The following CCDC141 variants were observed in gnomAD, a reference collection of about 807,000 sequenced individuals.
CCDC141 encodes the protein coiled-coil domain containing 141, also known as coiled-coil domain-containing protein 141.
A neutral mutation model predicts 181.0 loss-of-function variants in CCDC141; 168 were observed. The ratio of observed to expected loss-of-function variants is 0.93; its 90% CI spans 0.82 to 1.05. The LOEUF (loss-of-function observed/expected upper bound fraction) is 1.05. Among genes scored for constraint, CCDC141 ranks in the 50% least tolerant of loss-of-function variants. CCDC141 has a pLI of 0.00. For synonymous variants in CCDC141, 666 were observed against 642.3 expected (o/e 1.04, Z -0.56); for missense variants, 1,902 against 1,788.5 (o/e 1.06, Z -1.14).
rs1262468943 is a variant in CCDC141, at chr2:178,831,327, A to G, written c.*2846T>C. 6.6e-6 allele frequency: 1 copy of G among 152,186 alleles called. No homozygotes were observed. Among genetic ancestry groups the G allele is most frequent in the Non-Finnish European group, 1.5e-5 (1 of 68,028 alleles). The allele number at this position is 152,186 out of a possible 1,614,324, so 9.4% of individuals were successfully genotyped here. ...AACATTTTGTTTTGCAGTTCTTCAAAGTATCAAGTATTTATAATTTGTTTA... is the reference window on the plus strand; with the variant it reads ...AACATTTTGTTTTGCAGTTCTTCAAGGTATCAAGTATTTATAATTTGTTTA... On this transcript the variant is annotated 3_prime_UTR_variant, in exon 24 of 24. Transcript: ENST00000443758.
At chr2:178,844,286 A>G (rs909763424) in intron 22 of CCDC141, among the ~76,000 whole-genome samples, 6 of 152,134 alleles carry the variant, frequency 3.9e-5, no homozygotes, top group African/African-American at 1.2e-4. Context: ...GCTATTCTTT[A>G]TTGTGTCGAC....
At chr2:178,825,190 T>A (rs1405803354), downstream of CCDC141, 1 of 152,210 alleles carries the variant, frequency 6.6e-6, no homozygotes, top group Non-Finnish European at 1.5e-5. Flanking sequence ...TATGACTTTA[T>A]GAAATACTAC....
At chr2:179,019,322 T>C (rs965992110) in intron 2 of CCDC141, among the ~76,000 whole-genome samples, 6 of 151,104 alleles carry the variant, frequency 4.0e-5, no homozygotes, top group African/African-American at 1.5e-4. Context: ...TTTATATTTA[T>C]AAAAAAAAAG....
the CCDC141 span, among the ~76,000 whole-genome samples, chr2:178,815,752 T>C: frequency 3.3e-5 from 5 of 152,364 alleles, no homozygotes; most frequent in East Asian, 1.9e-4. Context: ...GTAAGTGCTA[T>C]GTAAATAGTT....
chr2:178,982,306 T>C (rs905503293), intron 2 of CCDC141, among the ~76,000 whole-genome samples: 5 of 152,136 alleles, frequency 3.3e-5, no homozygotes, highest in African/African-American at 1.2e-4. Context: ...TGTTTCTTTA[T>C]AAAGAAATGA....
intron 6 of CCDC141, among the ~76,000 whole-genome samples, chr2:178,936,916 G>C (rs1689312954): frequency 6.6e-6 from 1 of 152,078 alleles, no homozygotes; most frequent in Non-Finnish European, 1.5e-5. Flanking sequence ...TGGTGTATAG[G>C]AATGCTAATT....
At chr2:178,928,860 C>T (rs913345937) in intron 6 of CCDC141, among the ~76,000 whole-genome samples, 14 of 152,068 alleles carry the variant, frequency 9.2e-5, no homozygotes, top group African/African-American at 3.1e-4. Flanking sequence ...ATAGGGTTAC[C>T]AATATGAAAA....
In CCDC141 at chr2:179,008,646, A is replaced by G. The variant is rs564465839; in HGVS notation, c.226-29971T>C. 9.0e-4 allele frequency among the ~76,000 whole-genome samples: 137 copies of G among 152,288 alleles called. 1 individual carries two copies. The highest frequency in any genetic ancestry group is 3.0e-3 in the African/African-American group (123 of 41,582). On this transcript the variant is annotated intron_variant, in intron 2 of 23. Transcript: ENST00000443758. ...TTAAAACTCCTCAGTTGACTGTAAC[A>G]TACAACCACGTTTTGGAAGCACCAC...
intron 2 of CCDC141, among the ~76,000 whole-genome samples, chr2:179,012,084 C>T (rs1426966554): frequency 6.6e-6 from 1 of 151,846 alleles, no homozygotes; most frequent in Non-Finnish European, 1.5e-5. Context: ...AGAACCAAAC[C>T]CAAACCCAGA....
downstream of CCDC141, among the ~76,000 whole-genome samples, chr2:178,828,881 A>G (rs970096293): frequency 1.3e-5 from 2 of 152,212 alleles, no homozygotes; most frequent in Non-Finnish European, 2.9e-5. Context: ...AAATGCATAC[A>G]TAAGATAAAA....
chr2:179,047,391 G>T lies in CCDC141; in HGVS notation c.118C>A (p.Gln40Lys). 1 of 1,519,902 alleles carries T rather than the reference G, an allele frequency of 6.6e-7. No individual in the cohort carries two copies. The highest frequency in any genetic ancestry group is 1.4e-5 in the African/African-American group (1 of 71,642). 94.2% of individuals were successfully genotyped at this position (1,519,902 alleles called of 1,614,324 possible). Residue 40 changes from glutamine (Q) to lysine (K), a missense_variant, in exon 2 of 24, where the codon CAA becomes AAA. Transcript: ENST00000443758. Reference protein sequence around the residue: ...IAVIKCGKWVQLQLAESQPNL... With the variant: ...IAVIKCGKWVKLQLAESQPNL... Reference sequence around the variant, plus strand: ...GGCTGTGATTCAGCCAGTTGAAGTTGTACCCATTTGCCACACTAAAAATAA... The same window carrying T: ...GGCTGTGATTCAGCCAGTTGAAGTTTTACCCATTTGCCACACTAAAAATAA...
intron 22 of CCDC141, among the ~76,000 whole-genome samples, chr2:178,843,448 T>G (rs571434178): frequency 6.6e-6 from 1 of 152,336 alleles, no homozygotes; most frequent in East Asian, 1.9e-4. Context: ...CCATTTAACC[T>G]TAGGAGTTTT....
chr2:178,844,092 CTACTTT>C (rs1429004513), intron 22 of CCDC141, among the ~76,000 whole-genome samples: 1 of 152,070 alleles, frequency 6.6e-6, no homozygotes, highest in South Asian at 2.1e-4. Flanking sequence ...GCAAGAAAAA[CTACTTT>C]TACTAAGTAT....
rs528280606 is a variant in CCDC141, at chr2:178,888,811, C to G, written c.1266-143G>C. 1.8e-5 allele frequency: 15 copies of G among 832,518 alleles called. No individual in the cohort carries two copies. In the South Asian group the frequency reaches 2.9e-4, roughly 16 times the overall value. 51.6% of individuals were successfully genotyped at this position (832,518 alleles called of 1,614,324 possible). A position where few individuals can be genotyped will look rare whatever the true frequency, so the allele number is the denominator to read the frequency against. ...AACAGAAGTTAAGTAGCTATCATCT[C>G]GGCATAGCAGGAAGCAAAAATTATA... On this transcript the variant is annotated intron_variant, in intron 8 of 23. Coordinates refer to ENST00000443758, the MANE Select transcript of CCDC141 (RefSeq NM_173648.4).
Position 178,888,594 on chromosome 2 carries a change from G to C in CCDC141, c.1340C>G (p.Ser447Ter). Residue 447 changes from serine to a stop codon, truncating the protein, a stop_gained, in exon 9 of 24, where the codon TCA (serine) becomes TGA (stop). Transcript: ENST00000443758. LOFTEE classifies it high-confidence loss of function. ...CTTAAGAGCATATTCCTTGTGCGCT[G>C]AACACTGTTCGGTCAGATGATCCAC... Reference protein sequence around the residue: ...RRVDHLTEQCSAHKEYALKKQ... With the variant: ...RRVDHLTEQC The C allele has an allele frequency of 6.4e-7, 1 of 1,550,658 alleles. No homozygotes were observed. The highest frequency in any genetic ancestry group is 8.7e-7 in the Non-Finnish European group (1 of 1,146,870).
intron 8 of CCDC141, among the ~76,000 whole-genome samples, chr2:178,902,176 G>C (rs779685615): frequency 3.3e-5 from 5 of 152,058 alleles, no homozygotes; most frequent in Admixed American, 6.5e-5. Flanking sequence ...AATGGCCATA[G>C]TGCCCAAGGT....
chr2:178,860,073 T>C (rs1455191544), intron 17 of CCDC141, among the ~76,000 whole-genome samples: 1 of 152,194 alleles, frequency 6.6e-6, no homozygotes, highest in African/African-American at 2.4e-5. Flanking sequence ...GAAGCAAAAA[T>C]ATAAAATGAC....
intron 21 of CCDC141, 24 bp downstream of exon 21, chr2:178,850,025 C>T: frequency 8.0e-7 from 1 of 1,245,578 alleles, no homozygotes; most frequent in South Asian, 1.3e-5. Context: ...CTTGAAAATA[C>T]ATATTCTAGG....
Position 178,837,765 on chromosome 2 carries a change from A to T in CCDC141, c.3475-21T>A, listed in dbSNP as rs776035133. 3 of 1,576,966 alleles carry T rather than the reference A, an allele frequency of 1.9e-6. No individual in the cohort carries two copies. In the South Asian group the frequency reaches 3.5e-5, roughly 19 times the overall value. ...TGCCCCTTGAAAAAAGAAAAGCCAA[A>T]TCATCCTTATTCATTCATTTTTCTT... On this transcript the variant is annotated intron_variant, in intron 22 of 23. Transcript: ENST00000443758.
Sources: allele counts gnomAD v4.1 joint callset (sites outside exome capture counted in the v4.1 genomes callset), GRCh38; gene constraint gnomAD v4.1.1; transcripts MANE v1.5; gene names NCBI Gene and HGNC (gene_info 2026-07-23, HGNC 2026-07-21).